MAP3K21: variants seen among roughly 807,000 people sequenced by gnomAD.
The protein encoded by MAP3K21 is mitogen-activated protein kinase kinase kinase 21.
A neutral mutation model predicts 86.1 loss-of-function variants in MAP3K21; 63 were observed. The observed-to-expected ratio is 0.73, with a 90% CI of 0.60 to 0.90. The LOEUF is 0.90. Ranked by LOEUF, MAP3K21 falls within the 40% of genes least tolerant of loss-of-function variation. The probability of loss-of-function intolerance (pLI) is 0.00; values close to 1 mark genes in which losing one functional copy is unlikely to be tolerated. For missense variants in MAP3K21, 1,220 were observed against 1,367.7 expected, an observed-to-expected ratio of 0.89 and a Z score of 1.70; for synonymous variants, 558 against 564.8, an observed-to-expected ratio of 0.99 and a Z score of 0.17.
chr1:233,362,896 G>A (rs1272827125), intron 5 of MAP3K21, among the ~76,000 whole-genome samples: 1 of 152,036 alleles, frequency 6.6e-6, no homozygotes. Context: ...AATGTGTTAG[G>A]AGAAACTAAA....
intron 1 of MAP3K21, 94 bp from the exon 2 acceptor site, chr1:233,346,348 A>G (rs1372642649): frequency 3.2e-6 from 3 of 929,704 alleles, no homozygotes; most frequent in African/African-American, 3.3e-5. Flanking sequence ...TATTCTGCCA[A>G]CTACAGTGAA....
In MAP3K21 at chr1:233,347,676, C is replaced by T. The variant is rs56883237; in HGVS notation, c.986+1054C>T. Among the ~76,000 whole-genome samples the T allele has an allele frequency of 5.9e-3, 896 of 152,188 alleles. 11 individuals are homozygous for T. The highest frequency in any genetic ancestry group is 0.02 in the African/African-American group (818 of 41,510). On this transcript the variant is annotated intron_variant, in intron 2 of 9. Coordinates refer to ENST00000366624, the MANE Select transcript of MAP3K21 (RefSeq NM_032435.3). ...TTCTCACTTATAAGTAGGAGCTTAA[C>T]ATTGGGTACTCAGGGATATAACGAT...
intron 4 of MAP3K21, 98 bp from the exon 5 acceptor site, chr1:233,361,955 A>T: frequency 7.1e-7 from 1 of 1,417,256 alleles, no homozygotes; most frequent in Admixed American, 2.3e-5. Context: ...TGTGCACAGG[A>T]GGAGCCCGTG....
Position 233,354,860 on chromosome 1 carries a change from T to C in MAP3K21, c.1160T>C (p.Ile387Thr). The C allele has an allele frequency of 6.2e-7, 1 of 1,614,110 alleles. No homozygotes were observed. The highest frequency in any genetic ancestry group is 8.5e-7 in the Non-Finnish European group (1 of 1,179,982). Residue 387 changes from isoleucine (I) to threonine (T), a missense_variant, in exon 4 of 10, where the codon ATT becomes ACT. This residue lies in a region of MAP3K21 where 126 missense variants were observed against 127.7 expected (regional missense o/e 0.99). Coordinates refer to ENST00000366624, the MANE Select transcript of MAP3K21 (RefSeq NM_032435.3). ...GAATGCTGGCAACAAGACCCTCATATTCGTCCATCGTTTGCCTTAATTCTC... is the reference window on the plus strand; with the variant it reads ...GAATGCTGGCAACAAGACCCTCATACTCGTCCATCGTTTGCCTTAATTCTC... ...MKECWQQDPH[I>T]RPSFALILEQ...
chr1:233,382,262 C>T, intron 9 of MAP3K21, 43 bp from the exon 10 acceptor site: 2 of 1,508,678 alleles, frequency 1.3e-6, no homozygotes, highest in Non-Finnish European at 1.8e-6. Context: ...TTTTAGAACT[C>T]ATTTTCTTTC....
At chr1:233,335,156 G>A (rs1662888537) in intron 1 of MAP3K21, among the ~76,000 whole-genome samples, 1 of 151,804 alleles carries the variant, frequency 6.6e-6, no homozygotes, top group South Asian at 2.1e-4. Flanking sequence ...GGCAATCCAG[G>A]GCTCCCGAAA....
At chr1:233,332,044 A>G (rs906806242) in intron 1 of MAP3K21, among the ~76,000 whole-genome samples, 1 of 152,202 alleles carries the variant, frequency 6.6e-6, no homozygotes. Flanking sequence ...ACTTTGAGTT[A>G]CTGTGAAAAT....
Position 233,328,759 on chromosome 1 carries a change from T to C in MAP3K21, c.731T>C (p.Ile244Thr). 1 of 1,533,508 alleles carries C rather than the reference T, an allele frequency of 6.5e-7. No individual in the cohort carries two copies. The highest frequency in any genetic ancestry group is 8.8e-7 in the Non-Finnish European group (1 of 1,139,322). The allele number at this position is 1,533,508 out of a possible 1,614,324, so 95.0% of individuals were successfully genotyped here. A position where few individuals can be genotyped will look rare whatever the true frequency, so the allele number is the denominator to read the frequency against. The change falls in exon 1 of 10, where the codon ATA (isoleucine) becomes ACA (threonine). Residue 244 changes from isoleucine (I) to threonine (T), a missense_variant. Coordinates refer to ENST00000366624, the MANE Select transcript of MAP3K21 (RefSeq NM_032435.3). This position sits in a 1 kb window ranked among gnomAD's most constrained non-coding sequence, Gnocchi z 8.7. ...GTGCTGGTCAACTGGGCCGTGCAGATAGCGCGGGGCATGCTCTACCTGCAT... is the reference window on the plus strand; with the variant it reads ...GTGCTGGTCAACTGGGCCGTGCAGACAGCGCGGGGCATGCTCTACCTGCAT... ...PHVLVNWAVQIARGMLYLHEE... is the reference protein window; with the variant it reads ...PHVLVNWAVQTARGMLYLHEE...
In MAP3K21 at chr1:233,362,147, A is replaced by G. The variant is rs1305629253; in HGVS notation, c.1406A>G (p.Glu469Gly). Residue 469 changes from glutamate (E) to glycine (G), a missense_variant, in exon 5 of 10, where the codon GAG (glutamate) becomes GGG (glycine). Physicochemically the swap from Glu to Gly is moderately conservative, Grantham distance 98 (BLOSUM62 -2). Around this residue, in one of 5 missense-constraint regions of MAP3K21, gnomAD observed 4 missense variants for 18.6 expected, o/e 0.21. Transcript: ENST00000366624. ...LLKRREQQLA[E>G]REIDVLEREL... Reference sequence around the variant, plus strand: ...AAGCGGCGTGAGCAGCAGCTGGCAGAGCGCGAGATCGACGTGCTGGAGCGG... The same window carrying G: ...AAGCGGCGTGAGCAGCAGCTGGCAGGGCGCGAGATCGACGTGCTGGAGCGG... 3.7e-6 allele frequency: 6 copies of G among 1,614,110 alleles called. No homozygotes were observed. The highest frequency in any genetic ancestry group is 5.1e-6 in the Non-Finnish European group (6 of 1,180,044).
At chr1:233,338,759 A>G (rs1427385090) in intron 1 of MAP3K21, among the ~76,000 whole-genome samples, 2 of 152,236 alleles carry the variant, frequency 1.3e-5, no homozygotes, top group African/African-American at 2.4e-5. Context: ...GGGGCCCTAC[A>G]GGGTCTTTGA....
chr1:233,382,371 A>C lies in MAP3K21; in HGVS notation c.2771A>C (p.His924Pro), dbSNP rs770340011. ...CCACTCTGCCCCTCACCTGCTCCTC[A>C]CAGTCATCTGCCAAGGGAGGTCTCA... ...ALPLCPSPAP[H>P]SHLPREVSPK... The change falls in exon 10 of 10, where the codon CAC (histidine) becomes CCC (proline). Residue 924 changes from histidine (H) to proline (P), a missense_variant. His to Pro is a moderately conservative substitution (Grantham distance 77). This residue lies in a region of MAP3K21 where 632 missense variants were observed against 691.3 expected (regional missense o/e 0.91). Coordinates refer to ENST00000366624, the MANE Select transcript of MAP3K21 (RefSeq NM_032435.3). 6.2e-7 allele frequency: 1 copy of C among 1,613,942 alleles called. No individual in the cohort carries two copies. The highest frequency in any genetic ancestry group is 1.1e-5 in the South Asian group (1 of 91,066).
chr1:233,361,206 CT>C (rs1663460025), intron 4 of MAP3K21, among the ~76,000 whole-genome samples: 1 of 152,012 alleles, frequency 6.6e-6, no homozygotes, highest in African/African-American at 2.4e-5. Context: ...ATAATTTTTC[CT>C]AATAGGAATA....
At chr1:233,338,993 G>A (rs545734019) in intron 1 of MAP3K21, among the ~76,000 whole-genome samples, 4 of 152,258 alleles carry the variant, frequency 2.6e-5, no homozygotes, top group East Asian at 3.9e-4. Context: ...AGAGGTCCAC[G>A]GACTGAGTCC....
At chr1:233,359,802 G>A (rs1663433344) in intron 4 of MAP3K21, among the ~76,000 whole-genome samples, 1 of 152,178 alleles carries the variant, frequency 6.6e-6, no homozygotes, top group African/African-American at 2.4e-5. Context: ...CCGAAAGAAT[G>A]TTTTTGTGCT....
intron 5 of MAP3K21, among the ~76,000 whole-genome samples, chr1:233,364,460 G>C (rs1316428594): frequency 6.6e-6 from 1 of 152,172 alleles, no homozygotes; most frequent in African/African-American, 2.4e-5. Flanking sequence ...AAGGTGGAAA[G>C]GATTAAGAAG....
At position 233,379,453 on chromosome 1, in the gene MAP3K21, A is replaced by G. The variant is rs1159221211; in HGVS notation, c.2447A>G (p.Asp816Gly). 1.2e-6 allele frequency: 2 copies of G among 1,614,068 alleles called. No individual in the cohort carries two copies. Among genetic ancestry groups the G allele is most frequent in the Admixed American group, 1.7e-5 (1 of 59,996 alleles). ...SFSTKCLLQM[D>G]SEDPLVDSAP... is the part of the protein sequence containing the mutation. ...TCCACAAAGTGCCTGCTGCAGATGG[A>G]CAGTGAAGATCCACTGGTGGACAGT... The change falls in exon 9 of 10, where the codon GAC becomes GGC. Residue 816 changes from aspartate to glycine, a missense_variant. Transcript: ENST00000366624.
chr1:233,344,451 GACAA>G (rs1377044629), intron 1 of MAP3K21, among the ~76,000 whole-genome samples: 1 of 152,106 alleles, frequency 6.6e-6, no homozygotes, highest in Admixed American at 6.6e-5. Context: ...TCTGATCTTT[GACAA>G]ATCTGACAAA....
At chr1:233,339,139 A>G (rs1016272054) in intron 1 of MAP3K21, among the ~76,000 whole-genome samples, 1 of 152,168 alleles carries the variant, frequency 6.6e-6, no homozygotes, top group Non-Finnish European at 1.5e-5. Flanking sequence ...ATCAAATGCC[A>G]CTGATAGATG....
chr1:233,328,647 G>A lies in MAP3K21; in HGVS notation c.619G>A (p.Ala207Thr). 1.4e-6 allele frequency: 2 copies of A among 1,410,174 alleles called. No individual in the cohort carries two copies. The highest frequency in any genetic ancestry group is 1.8e-6 in the Non-Finnish European group (2 of 1,082,620). The allele number at this position is 1,410,174 out of a possible 1,614,324, so 87.4% of individuals were successfully genotyped here. The change falls in exon 1 of 10, where the codon GCG (alanine) becomes ACG (threonine). Residue 207 changes from alanine to threonine, a missense_variant. This residue lies in a region of MAP3K21 where 369 missense variants were observed against 385.3 expected (regional missense o/e 0.96). Coordinates refer to ENST00000366624, the MANE Select transcript of MAP3K21 (RefSeq NM_032435.3). The surrounding 1 kb of genome is among the most constrained non-coding windows in gnomAD (Gnocchi z 8.7). ...CLVLEFARGG[A>T]LNRALAAANA... ...GGTGCTGGAGTTCGCCCGCGGCGGA[G>A]CGCTCAACCGAGCGCTGGCCGCTGC... is the stretch of plus-strand genomic sequence containing the variant.
Sources: gnomAD v4.1 joint callset for allele counts (sites outside exome capture counted in the v4.1 genomes callset) on GRCh38, gnomAD v4.1.1 for gene constraint, gnomAD v4.1.1 regional missense constraint, Gnocchi (gnomAD v3.1) non-coding constraint, MANE v1.5 for transcripts, NCBI Gene and HGNC (gene_info 2026-07-23, HGNC 2026-07-21) for gene names.